Variants in GALNT17 observed in about 807,000 individuals in gnomAD.
GALNT17 encodes the protein polypeptide N-acetylgalactosaminyltransferase 17, also known as UDP-GalNAc:polypeptide N-acetylgalactosaminyltransferase-like 3.
GALNT17 carries 29 observed loss-of-function variants against 63.7 expected under a neutral mutation model. The ratio of observed to expected loss-of-function variants is 0.46; its 90% CI spans 0.34 to 0.62. The LOEUF (loss-of-function observed/expected upper bound fraction) is 0.62, where lower values mean the gene tolerates loss of function less well. Among genes scored for constraint, GALNT17 ranks in the 20% least tolerant of loss-of-function variants. GALNT17 has a pLI of 0.01. For synonymous variants in GALNT17, 305 were observed against 318.3 expected (o/e 0.96, Z 0.45); for missense variants, 603 against 799.6 (o/e 0.75, Z 2.97).
chr7:71,329,301 G>A (rs1316404040), intron 1 of GALNT17, among the ~76,000 whole-genome samples: 1 of 152,136 alleles, frequency 6.6e-6, no homozygotes, highest in Non-Finnish European at 1.5e-5. Context: ...GAATGAGTAA[G>A]AGCACACAGA....
rs67257902 is a variant in GALNT17, at chr7:71,480,155, CTTTTTTTTTTTTTTTTTTTTT to C, written c.962+59058_962+59078del. Among the ~76,000 whole-genome samples, 12 of 65,352 alleles carry C rather than the reference CTTTTTTTTTTTTTTTTTTTTT, an allele frequency of 1.8e-4. No individual in the cohort carries two copies. In the East Asian group the frequency reaches 6.9e-3, roughly 38 times the overall value. 42.9% of individuals were successfully genotyped at this position (65,352 alleles called of 152,430 possible). On this transcript the variant is annotated intron_variant, in intron 5 of 10. Coordinates refer to ENST00000333538, the MANE Select transcript of GALNT17 (RefSeq NM_022479.3). ...TGGAGACCCCCTCTTTTTTTGGAGT[CTTTTTTTTTTTTTTTTTTTTT>C]TTTTTTTGAGACAGAGGCTCTCTCT...
chr7:71,378,837 A>C (rs1287223089), intron 2 of GALNT17, among the ~76,000 whole-genome samples: 2 of 151,798 alleles, frequency 1.3e-5, no homozygotes, highest in Non-Finnish European at 2.9e-5. Context: ...AAAATAAATA[A>C]ATAAATAAAA....
chr7:71,592,848 T>TA (rs1789830191), intron 6 of GALNT17, among the ~76,000 whole-genome samples: 1 of 152,192 alleles, frequency 6.6e-6, no homozygotes, highest in Non-Finnish European at 1.5e-5. Flanking sequence ...TGGAAGCTCT[T>TA]ACTTAAATCA....
intron 2 of GALNT17, among the ~76,000 whole-genome samples, chr7:71,339,843 G>A (rs1043144081): frequency 2.6e-5 from 4 of 152,098 alleles, no homozygotes; most frequent in African/African-American, 9.7e-5. Flanking sequence ...ATGATGGCTT[G>A]AACATACCAT....
In GALNT17 at chr7:71,554,158, T is replaced by C. The variant is rs1290835696; in HGVS notation, c.963-17127T>C. ...TAGTTCTTTGCTTCCTGATATGGTT[T>C]GGTTCTGTCCCCACCCAAATCTCAT... On this transcript the variant is annotated intron_variant, in intron 5 of 10. Transcript: ENST00000333538. 3.9e-5 allele frequency among the ~76,000 whole-genome samples: 6 copies of C among 152,346 alleles called. 1 individual carries two copies. The East Asian group carries it at 1.2e-3, about 29-fold the overall frequency.
At chr7:71,570,973 C>T (rs1414465657) in intron 5 of GALNT17, among the ~76,000 whole-genome samples, 1 of 151,924 alleles carries the variant, frequency 6.6e-6, no homozygotes, top group Admixed American at 6.6e-5. Flanking sequence ...AGCAAAACTC[C>T]GACTCAAAAC....
At chr7:71,637,254 C>T (rs568420825) in intron 6 of GALNT17, among the ~76,000 whole-genome samples, 5 of 152,120 alleles carry the variant, frequency 3.3e-5, no homozygotes, top group Non-Finnish European at 1.5e-5. Flanking sequence ...GACGCGATCT[C>T]GGCTCACTGC....
At chr7:71,672,079 A>G (rs1301948304) in intron 8 of GALNT17, among the ~76,000 whole-genome samples, 1 of 152,032 alleles carries the variant, frequency 6.6e-6, no homozygotes, top group Non-Finnish European at 1.5e-5. Flanking sequence ...GTAATTATTA[A>G]TAGATCTGAA....
Position 71,335,742 on chromosome 7 carries a change from T to C in GALNT17, c.422+9T>C. 1.3e-6 allele frequency: 2 copies of C among 1,591,438 alleles called. No individual in the cohort carries two copies. Among genetic ancestry groups the C allele is most frequent in the Non-Finnish European group, 1.7e-6 (2 of 1,167,586 alleles). Reference sequence around the variant, plus strand: ...GATTATCGTCCCACCAAGTAAGTTCTGGTTCAGTCATTTGCGGAGCTTGAT... The same window carrying C: ...GATTATCGTCCCACCAAGTAAGTTCCGGTTCAGTCATTTGCGGAGCTTGAT... On this transcript the variant is annotated intron_variant, in intron 2 of 10. Coordinates refer to ENST00000333538, the MANE Select transcript of GALNT17 (RefSeq NM_022479.3).
At chr7:71,679,883 T>C (rs1224055600) in intron 9 of GALNT17, among the ~76,000 whole-genome samples, 4 of 148,024 alleles carry the variant, frequency 2.7e-5, no homozygotes, top group African/African-American at 1.0e-4. Context: ...CCTTTTTTTC[T>C]TTTTCCCTCC....
chr7:71,552,601 C>T (rs540497524), intron 5 of GALNT17, among the ~76,000 whole-genome samples: 8 of 151,628 alleles, frequency 5.3e-5, no homozygotes, highest in Middle Eastern at 3.4e-3. Flanking sequence ...CCACCACACC[C>T]GGTTAATTTC....
At chr7:71,424,775 T>C (rs1431861934) in intron 5 of GALNT17, among the ~76,000 whole-genome samples, 1 of 152,214 alleles carries the variant, frequency 6.6e-6, no homozygotes. Flanking sequence ...ACATGGCAGT[T>C]TCTCTTTCTT....
In GALNT17 at chr7:71,498,334, G is replaced by A. The variant is rs1189784015; in HGVS notation, c.963-72951G>A. 2.0e-5 allele frequency among the ~76,000 whole-genome samples: 3 copies of A among 151,900 alleles called. 1 individual carries two copies. The highest frequency in any genetic ancestry group is 4.2e-4 in the South Asian group (2 of 4,814). ...TCTACTAAAAATACAAAAATTAGCC[G>A]GGTCTGGCGGTTCACGTCTGTAATC... is the stretch of plus-strand genomic sequence containing the variant. On this transcript the variant is annotated intron_variant, in intron 5 of 10. Transcript: ENST00000333538.
chr7:71,693,953 C>A (rs570829332), intron 9 of GALNT17, among the ~76,000 whole-genome samples: 2 of 151,926 alleles, frequency 1.3e-5, no homozygotes, highest in African/African-American at 4.8e-5. Context: ...TTATTTAATC[C>A]GTTATTTTAT....
intron 8 of GALNT17, among the ~76,000 whole-genome samples, chr7:71,674,016 G>GCTA (rs1791109950): frequency 6.6e-6 from 1 of 152,204 alleles, no homozygotes; most frequent in South Asian, 2.1e-4. Flanking sequence ...TGTCCCTTGA[G>GCTA]CCGTACAGTG....
chr7:71,294,624 A>G (rs907094608), intron 1 of GALNT17, among the ~76,000 whole-genome samples: 1 of 152,052 alleles, frequency 6.6e-6, no homozygotes, highest in Non-Finnish European at 1.5e-5. Flanking sequence ...CATATTGGCC[A>G]GGCTGGCCTT....
At chr7:71,499,903 A>G (rs887984868) in intron 5 of GALNT17, among the ~76,000 whole-genome samples, 4 of 152,190 alleles carry the variant, frequency 2.6e-5, no homozygotes, top group African/African-American at 9.7e-5. Flanking sequence ...TGTTCTCATG[A>G]TAGTGAGTTA....
At chr7:71,383,381 A>G (rs1191922977) in intron 2 of GALNT17, among the ~76,000 whole-genome samples, 1 of 152,182 alleles carries the variant, frequency 6.6e-6, no homozygotes, top group African/African-American at 2.4e-5. Flanking sequence ...ATTACTTACA[A>G]TATCTAATGC....
chr7:71,647,587 C>T (rs1380388899), intron 6 of GALNT17, among the ~76,000 whole-genome samples: 1 of 152,200 alleles, frequency 6.6e-6, no homozygotes, highest in Non-Finnish European at 1.5e-5. Flanking sequence ...GCCCTGGAAG[C>T]CCATGGCTCT....
Sources: allele counts gnomAD v4.1 joint callset (sites outside exome capture counted in the v4.1 genomes callset), GRCh38; gene constraint gnomAD v4.1.1; transcripts MANE v1.5; gene names NCBI Gene and HGNC (gene_info 2026-07-23, HGNC 2026-07-21).